Variants in BBS9 observed in about 807,000 individuals in gnomAD.
The protein encoded by BBS9 is Bardet-Biedl syndrome 9, also known as protein PTHB1.
BBS9 carries 89 observed loss-of-function variants against 117.7 expected under a neutral mutation model. That is an observed-to-expected ratio of 0.76 (90% CI 0.64 to 0.90). The LOEUF is 0.90. Among genes scored for constraint, BBS9 ranks in the 40% least tolerant of loss-of-function variants. The pLI, the probability that BBS9 is intolerant of heterozygous loss-of-function variation, is 0.00. For synonymous variants in BBS9, 379 were observed against 370.9 expected (o/e 1.02, Z -0.25); for missense variants, 982 against 1,042.2 (o/e 0.94, Z 0.80).
At chr7:33,443,944 T>C (rs1223093293) in intron 19 of BBS9, among the ~76,000 whole-genome samples, 1 of 152,186 alleles carries the variant, frequency 6.6e-6, no homozygotes, top group Admixed American at 6.5e-5. Flanking sequence ...GTGAAGGTGT[T>C]TGAATTGATG....
intron 17 of BBS9, among the ~76,000 whole-genome samples, chr7:33,383,042 CCATTGTTGTCAT>C (rs1465337861): frequency 6.6e-6 from 1 of 152,086 alleles, no homozygotes. Flanking sequence ...ATCATTGTCA[CCATTGTTGTCAT>C]CATTTTCAGG....
Position 33,322,814 on chromosome 7 carries a change from G to C in BBS9, c.1017-13627G>C, listed in dbSNP as rs566258414. Among the ~76,000 whole-genome samples the C allele has an allele frequency of 7.0e-4, 106 of 152,022 alleles. 2 individuals carry two copies. In the South Asian group the frequency reaches 0.021, roughly 30 times the overall value. On this transcript the variant is annotated intron_variant, in intron 9 of 22. Transcript: ENST00000242067. ...TGCTTTTGCTTTTCAGATTCTTTAAGATGCATCATTAGGTTGTTTATTTGA... is the reference window on the plus strand; with the variant it reads ...TGCTTTTGCTTTTCAGATTCTTTAACATGCATCATTAGGTTGTTTATTTGA...
At chr7:33,486,752 T>C (rs1843167278) in intron 19 of BBS9, among the ~76,000 whole-genome samples, 1 of 152,206 alleles carries the variant, frequency 6.6e-6, no homozygotes, top group Admixed American at 6.5e-5. Flanking sequence ...CAGTAACTTC[T>C]CTCTGTAGGC....
intron 21 of BBS9, among the ~76,000 whole-genome samples, chr7:33,576,471 G>T (rs1858886801): frequency 6.6e-6 from 1 of 152,056 alleles, no homozygotes; most frequent in South Asian, 2.1e-4. Flanking sequence ...CGTGAAAATG[G>T]CCATGCTGAC....
rs957076877 is a variant in BBS9 at position 33,525,028 on chromosome 7, G to T, written c.2299-8926G>T. Among the ~76,000 whole-genome samples the T allele has an allele frequency of 1.0e-3, 153 of 152,058 alleles. 1 individual carries two copies. The highest frequency in any genetic ancestry group is 2.5e-3 in the Admixed American group (38 of 15,274). On this transcript the variant is annotated intron_variant, in intron 20 of 22. Coordinates refer to ENST00000242067, the MANE Select transcript of BBS9 (RefSeq NM_198428.3). ...TGTATCCAGTAGTCATTCAGGAGCA[G>T]GTTGTTCAGTTTCCATGTAGTTGAG... is the stretch of plus-strand genomic sequence containing the variant.
At chr7:33,389,780 A>G (rs1046848346) in intron 19 of BBS9, among the ~76,000 whole-genome samples, 2 of 152,112 alleles carry the variant, frequency 1.3e-5, no homozygotes, top group East Asian at 3.9e-4. Flanking sequence ...GGAATATTGG[A>G]AAGAACACTG....
intron 5 of BBS9, among the ~76,000 whole-genome samples, chr7:33,217,222 A>C (rs1185742180): frequency 6.6e-6 from 1 of 151,752 alleles, no homozygotes; most frequent in African/African-American, 2.4e-5. Flanking sequence ...GTATTTAAAT[A>C]AATATATATA....
At chr7:33,264,083 G>A (rs562011776) in intron 6 of BBS9, among the ~76,000 whole-genome samples, 2 of 152,056 alleles carry the variant, frequency 1.3e-5, no homozygotes, top group African/African-American at 4.8e-5. Context: ...TGGACATATG[G>A]TTATAATTTC....
intron 9 of BBS9, among the ~76,000 whole-genome samples, chr7:33,329,583 T>C (rs996923120): frequency 1.3e-5 from 2 of 148,896 alleles, no homozygotes; most frequent in African/African-American, 5.1e-5. Flanking sequence ...TTAAAAAATA[T>C]TCCCCCCCTA....
chr7:33,174,443 AG>A (rs1397855872), intron 4 of BBS9, among the ~76,000 whole-genome samples: 4 of 152,246 alleles, frequency 2.6e-5, no homozygotes, highest in Non-Finnish European at 5.9e-5. Flanking sequence ...GAGTAGGCTC[AG>A]AGAGACTCCA....
chr7:33,154,547 C>T (rs966923021), intron 3 of BBS9, among the ~76,000 whole-genome samples: 8 of 152,134 alleles, frequency 5.3e-5, no homozygotes, highest in East Asian at 1.9e-4. Context: ...CTTGCTGCAA[C>T]CTCCGCCTCC....
Position 33,233,620 on chromosome 7 carries a change from A to C in BBS9, c.443-23616A>C, listed in dbSNP as rs1163488556. 2.0e-5 allele frequency among the ~76,000 whole-genome samples: 3 copies of C among 152,166 alleles called. No homozygotes were observed. The East Asian group carries it at 5.8e-4, about 29-fold the overall frequency. ...ATCGTATAACTGGCATCCCAAAATA[A>C]GAAGACAGTAATCAGCTGTTCAGCT... On this transcript the variant is annotated intron_variant, in intron 5 of 22. Transcript: ENST00000242067.
In BBS9 at chr7:33,604,876, A is replaced by G. The variant is rs545725547; in HGVS notation, c.2533A>G (p.Thr845Ala). The change falls in exon 22 of 23, where the codon ACA (threonine) becomes GCA (alanine). Residue 845 changes from threonine to alanine, a missense_variant. Thr to Ala is a moderately conservative substitution (Grantham distance 58, BLOSUM62 0). Transcript: ENST00000242067. ...QTMVMPGGCTTIPESDLEERS... is the reference protein window; with the variant it reads ...QTMVMPGGCTAIPESDLEERS... ...TATTTTTCAACTAGGTGGTTGTACTACAATCCCAGAGTCAGACCTAGAAGA... is the reference window on the plus strand; with the variant it reads ...TATTTTTCAACTAGGTGGTTGTACTGCAATCCCAGAGTCAGACCTAGAAGA... 3.1e-6 allele frequency: 5 copies of G among 1,611,450 alleles called. No individual in the cohort carries two copies. The highest frequency in any genetic ancestry group is 4.5e-5 in the East Asian group (2 of 44,782).
intron 21 of BBS9, among the ~76,000 whole-genome samples, chr7:33,575,637 C>T (rs956713003): frequency 2.0e-5 from 3 of 152,138 alleles, no homozygotes; most frequent in African/African-American, 4.8e-5. Context: ...CCCTGATGAA[C>T]ATCGATGTGA....
intron 19 of BBS9, among the ~76,000 whole-genome samples, chr7:33,460,261 T>C (rs890176462): frequency 5.3e-5 from 8 of 152,134 alleles, no homozygotes; most frequent in African/African-American, 1.7e-4. Flanking sequence ...TTCATATCTC[T>C]GTAGAAATTT....
intron 1 of BBS9, among the ~76,000 whole-genome samples, chr7:33,138,143 G>C (rs1206769639): frequency 6.6e-6 from 1 of 152,184 alleles, no homozygotes; most frequent in Non-Finnish European, 1.5e-5. Context: ...GGGGACTAGA[G>C]ACGAGGGAGA....
chr7:33,182,819 C>G (rs780429206), intron 5 of BBS9, among the ~76,000 whole-genome samples: 3 of 152,074 alleles, frequency 2.0e-5, no homozygotes, highest in Non-Finnish European at 4.4e-5. Flanking sequence ...AGTTTCTAGC[C>G]TTAATAAACA....
chr7:33,430,145 T>C (rs1834226006), intron 19 of BBS9, among the ~76,000 whole-genome samples: 1 of 152,164 alleles, frequency 6.6e-6, no homozygotes, highest in Non-Finnish European at 1.5e-5. Flanking sequence ...CACAGATGTG[T>C]AGCAATTAAA....
chr7:33,376,997 A>G (rs112660766), intron 17 of BBS9, among the ~76,000 whole-genome samples: 1,879 of 151,994 alleles, frequency 0.012, 28 homozygotes, highest in Non-Finnish European at 0.02. Flanking sequence ...TTTGTAGGTC[A>G]TCTGTATACT....
Sources: gnomAD v4.1 joint callset for allele counts (sites outside exome capture counted in the v4.1 genomes callset) on GRCh38, gnomAD v4.1.1 for gene constraint, MANE v1.5 for transcripts, NCBI Gene and HGNC (gene_info 2026-07-23, HGNC 2026-07-21) for gene names.